Variants in SOSTDC1 observed in about 807,000 individuals in gnomAD.
SOSTDC1 encodes the protein sclerostin domain containing 1, also known as sclerostin domain-containing protein 1.
In SOSTDC1, 7 loss-of-function variants were observed where a neutral mutation model predicts 15.1. The ratio of observed to expected loss-of-function variants is 0.46; its 90% CI spans 0.26 to 0.87. SOSTDC1 has a LOEUF of 0.87. Ranked by LOEUF, SOSTDC1 falls within the 40% of genes least tolerant of loss-of-function variation. The pLI is 0.15. For synonymous variants in SOSTDC1, 94 were observed against 93.2 expected, an observed-to-expected ratio of 1.01 and a Z score of -0.05; for missense variants, 242 against 259.2, an observed-to-expected ratio of 0.93 and a Z score of 0.46.
In SOSTDC1 at chr7:16,462,642, C is replaced by A; in HGVS notation, c.527G>T (p.Ser176Ile). Residue 176 changes from serine to isoleucine, a missense_variant, in exon 2 of 2, where the codon AGT (serine) becomes ATT (isoleucine). Transcript: ENST00000307068. ...AGGTGACATGCTCTCAAAGTTGTGA[C>A]TGGACTCGTTGTGCTGCCGGGTGTA... ...KRYTRQHNES[S>I]HNFESMSPAK... The A allele has an allele frequency of 6.2e-7, 1 of 1,614,204 alleles. No homozygotes were observed. Among genetic ancestry groups the A allele is most frequent in the Non-Finnish European group, 8.5e-7 (1 of 1,180,038 alleles).
At chr7:16,464,293 G>C (rs1304611403) in intron 1 of SOSTDC1, 2 of 1,514,944 alleles carry the variant, frequency 1.3e-6, no homozygotes, top group East Asian at 2.5e-5. Flanking sequence ...TGCTCAGCGT[G>C]CCTGATTCTG....
intron 1 of SOSTDC1, among the ~76,000 whole-genome samples, chr7:16,463,687 G>T (rs1009360860): frequency 1.3e-5 from 2 of 152,078 alleles, no homozygotes; most frequent in African/African-American, 4.8e-5. Context: ...GGAACGTATG[G>T]TTGCCATAAC....
chr7:16,465,442 T>C (rs1320689419), intron 1 of SOSTDC1, 22 bp downstream of exon 1: 18 of 1,581,880 alleles, frequency 1.1e-5, no homozygotes, highest in Admixed American at 1.1e-4. Flanking sequence ...AAAAAAAAAC[T>C]GTACAAGTAA....
At position 16,462,771 on chromosome 7, in the gene SOSTDC1, C is replaced by A; in HGVS notation, c.398G>T (p.Cys133Phe). The change falls in exon 2 of 2, where the codon TGT (cysteine) becomes TTT (phenylalanine). Residue 133 changes from cysteine (C) to phenylalanine (F), a missense_variant. Coordinates refer to ENST00000307068, the MANE Select transcript of SOSTDC1 (RefSeq NM_015464.3). ...WSRRSSQEWR[C>F]VNDKTRTQRI... ...CTGGGTACGGGTTTTGTCATTGACA[C>A]ACCGCCACTCCTGGGAGCTCCTCCT... 1.2e-6 allele frequency: 2 copies of A among 1,614,170 alleles called. No homozygotes were observed. The highest frequency in any genetic ancestry group is 1.1e-5 in the South Asian group (1 of 91,084).
In SOSTDC1 at chr7:16,462,775, G is replaced by T; in HGVS notation, c.394C>A (p.Arg132=). Residue 132 remains arginine (R), a synonymous_variant, in exon 2 of 2, where the codon CGG becomes AGG. Coordinates refer to ENST00000307068, the MANE Select transcript of SOSTDC1 (RefSeq NM_015464.3). The part of the protein sequence containing the change: ...YWSRRSSQEW[R]CVNDKTRTQR... ...GTACGGGTTTTGTCATTGACACACC[G>T]CCACTCCTGGGAGCTCCTCCTGCTC... is the stretch of plus-strand genomic sequence containing the variant. The T allele has an allele frequency of 6.2e-7, 1 of 1,614,128 alleles. No individual in the cohort carries two copies.
chr7:16,461,523 C>T lies in SOSTDC1; in HGVS notation c.*1025G>A, dbSNP rs1210044801. On this transcript the variant is annotated 3_prime_UTR_variant, in exon 2 of 2. Transcript: ENST00000307068. ...TTCTACAATTTTTGCACCCTTTATA[C>T]ATGTTAGAGGCAACAACAATAACTT... The T allele has an allele frequency of 2.0e-5, 3 of 152,148 alleles. No homozygotes were observed. The highest frequency in any genetic ancestry group is 4.4e-5 in the Non-Finnish European group (3 of 68,022). The allele number at this position is 152,148 out of a possible 1,614,324, so 9.4% of individuals were successfully genotyped here.
At chr7:16,463,683 T>C (rs1440773310) in intron 1 of SOSTDC1, among the ~76,000 whole-genome samples, 11 of 152,138 alleles carry the variant, frequency 7.2e-5, no homozygotes, top group Admixed American at 7.2e-4. Context: ...ATCAGGAACG[T>C]ATGGTTGCCA....
chr7:16,463,459 T>C (rs16878759), intron 1 of SOSTDC1, among the ~76,000 whole-genome samples: 2,456 of 152,324 alleles, frequency 0.016, 37 homozygotes, highest in East Asian at 0.089. Flanking sequence ...GTATAATGCA[T>C]ATGCTCTCGG....
In SOSTDC1 at chr7:16,462,943, G is replaced by A. The variant is rs1432584291; in HGVS notation, c.226C>T (p.Arg76Trp). The A allele has an allele frequency of 1.1e-5, 17 of 1,574,242 alleles. 1 individual carries two copies. Among genetic ancestry groups the A allele is most frequent in the Middle Eastern group, 3.4e-4 (2 of 5,882 alleles). Reference protein sequence around the residue: ...DRNTRVQVGCRELRSTKYISD... With the variant: ...DRNTRVQVGCWELRSTKYISD... ...ATGTATTTGGTGGAACGCAGTTCCC[G>A]GCAACCCACTTGAACCCGAGCTGCA... is the stretch of plus-strand genomic sequence containing the variant. The change falls in exon 2 of 2, where the codon CGG (arginine) becomes TGG (tryptophan). Residue 76 changes from arginine to tryptophan, a missense_variant. Coordinates refer to ENST00000307068, the MANE Select transcript of SOSTDC1 (RefSeq NM_015464.3).
At position 16,463,140 on chromosome 7, in the gene SOSTDC1, T is replaced by A. The variant is rs544322741; in HGVS notation, c.206-177A>T. ...CTGTCTGGATAGTATAGGGACACTT[T>A]CATGAAAATCATCAGTTTACATGGC... On this transcript the variant is annotated intron_variant, in intron 1 of 1. Transcript: ENST00000307068. 1.8e-4 allele frequency among the ~76,000 whole-genome samples: 27 copies of A among 152,338 alleles called. No individual in the cohort carries two copies. The East Asian group carries it at 4.8e-3, about 27-fold the overall frequency.
At position 16,462,010 on chromosome 7, in the gene SOSTDC1, G is replaced by A. The variant is rs1781218224; in HGVS notation, c.*538C>T. On this transcript the variant is annotated 3_prime_UTR_variant, in exon 2 of 2. Coordinates refer to ENST00000307068, the MANE Select transcript of SOSTDC1 (RefSeq NM_015464.3). ...CTATGCGACCGTAAAGAGCTACAGG[G>A]CTTATTTTTGAAGTGAAATGTCACA... 1 of 153,866 alleles carries A rather than the reference G, an allele frequency of 6.5e-6. No homozygotes were observed. Among genetic ancestry groups the A allele is most frequent in the Admixed American group, 6.5e-5 (1 of 15,496 alleles). 9.5% of individuals were successfully genotyped at this position (153,866 alleles called of 1,614,324 possible).
chr7:16,462,509 A>C lies in SOSTDC1; in HGVS notation c.*39T>G. On this transcript the variant is annotated 3_prime_UTR_variant, in exon 2 of 2. Coordinates refer to ENST00000307068, the MANE Select transcript of SOSTDC1 (RefSeq NM_015464.3). ...TTCCAAGCAATCAAATCTGTAAAGCAGATGGTTACTAGTAAGTCTAGTTAT... is the reference window on the plus strand; with the variant it reads ...TTCCAAGCAATCAAATCTGTAAAGCCGATGGTTACTAGTAAGTCTAGTTAT... The C allele has an allele frequency of 6.3e-7, 1 of 1,592,260 alleles. No individual in the cohort carries two copies. The highest frequency in any genetic ancestry group is 8.6e-7 in the Non-Finnish European group (1 of 1,163,346).
chr7:16,463,276 T>G (rs931078426), intron 1 of SOSTDC1, among the ~76,000 whole-genome samples: 1 of 152,194 alleles, frequency 6.6e-6, no homozygotes, highest in African/African-American at 2.4e-5. Flanking sequence ...GACTCTCCAA[T>G]AAGGGGTTAG....
chr7:16,462,412 A>T lies in SOSTDC1; in HGVS notation c.*136T>A. ...CAAAGAAGGTCCTGATACTTAAGAC[A>T]GCTTGCTGGGTTTGATCAAAGCAGA... is the stretch of plus-strand genomic sequence containing the variant. On this transcript the variant is annotated 3_prime_UTR_variant, in exon 2 of 2. Transcript: ENST00000307068. The T allele has an allele frequency of 1.1e-6, 1 of 940,334 alleles. No individual in the cohort carries two copies. The allele number at this position is 940,334 out of a possible 1,614,324, so 58.2% of individuals were successfully genotyped here.
At chr7:16,464,309 A>G (rs1311488969) in intron 1 of SOSTDC1, 2 of 1,548,388 alleles carry the variant, frequency 1.3e-6, no homozygotes, top group Non-Finnish European at 1.7e-6. Flanking sequence ...TTCTGCCTCC[A>G]GCTCACCTTC....
intron 1 of SOSTDC1, chr7:16,464,404 T>A: frequency 6.5e-7 from 1 of 1,543,464 alleles, no homozygotes; most frequent in Middle Eastern, 1.7e-4. Flanking sequence ...ATATACAGAT[T>A]TGGCATTTTT....
chr7:16,462,443 T>C lies in SOSTDC1; in HGVS notation c.*105A>G, dbSNP rs1262660855. 1.6e-6 allele frequency: 2 copies of C among 1,230,708 alleles called. No individual in the cohort carries two copies. The highest frequency in any genetic ancestry group is 2.3e-6 in the Non-Finnish European group (2 of 859,006). 76.2% of individuals were successfully genotyped at this position (1,230,708 alleles called of 1,614,324 possible). A position where few individuals can be genotyped will look rare whatever the true frequency, so the allele number is the denominator to read the frequency against. ...CTGGGTTTGATCAAAGCAGAAAGCA[T>C]ATACTTTCAAGTGAGAAAACAGCAG... is the stretch of plus-strand genomic sequence containing the variant. On this transcript the variant is annotated 3_prime_UTR_variant, in exon 2 of 2. Coordinates refer to ENST00000307068, the MANE Select transcript of SOSTDC1 (RefSeq NM_015464.3).
chr7:16,464,220 A>G, intron 1 of SOSTDC1: 1 of 890,522 alleles, frequency 1.1e-6, no homozygotes, highest in South Asian at 1.4e-5. Flanking sequence ...ATAGACATGC[A>G]TGCATAGAAA....
chr7:16,462,784 G>T lies in SOSTDC1; in HGVS notation c.385C>A (p.Gln129Lys). ...TTGTCATTGACACACCGCCACTCCT[G>T]GGAGCTCCTCCTGCTCCAGTACTTT... ...GTKYWSRRSSQEWRCVNDKTR... is the reference protein window; with the variant it reads ...GTKYWSRRSSKEWRCVNDKTR... Residue 129 changes from glutamine to lysine, a missense_variant, in exon 2 of 2, where the codon CAG (glutamine) becomes AAG (lysine). By Grantham distance (53) the Gln-to-Lys change is moderately conservative. Transcript: ENST00000307068. 1 of 1,614,146 alleles carries T rather than the reference G, an allele frequency of 6.2e-7. No individual in the cohort carries two copies. The highest frequency in any genetic ancestry group is 8.5e-7 in the Non-Finnish European group (1 of 1,180,028).
Sources: gnomAD v4.1 joint callset for allele counts (sites outside exome capture counted in the v4.1 genomes callset) on GRCh38, gnomAD v4.1.1 for gene constraint, MANE v1.5 for transcripts, NCBI Gene and HGNC (gene_info 2026-07-23, HGNC 2026-07-21) for gene names.